Variants in CACNA2D3 observed in about 807,000 individuals in gnomAD.
The protein encoded by CACNA2D3 is voltage-dependent calcium channel subunit alpha-2/delta-3.
Under a neutral mutation model 160.6 loss-of-function variants are expected in CACNA2D3, and 60 were observed. The ratio of observed to expected loss-of-function variants is 0.37; its 90% CI spans 0.30 to 0.46. The LOEUF (loss-of-function observed/expected upper bound fraction) is 0.46, where lower values mean the gene tolerates loss of function less well. CACNA2D3 is among the 20% of genes least tolerant of loss of function. CACNA2D3 has a pLI of 1.00. For missense variants in CACNA2D3, 1,205 were observed against 1,365.0 expected, an observed-to-expected ratio of 0.88 and a Z score of 1.85; for synonymous variants, 558 against 492.9, an observed-to-expected ratio of 1.13 and a Z score of -1.75.
At chr3:54,471,267 A>G (rs1314737710) in intron 4 of CACNA2D3, among the ~76,000 whole-genome samples, 1 of 152,204 alleles carries the variant, frequency 6.6e-6, no homozygotes, top group Non-Finnish European at 1.5e-5. Flanking sequence ...CCACACAACT[A>G]CATGGAAACT....
intron 2 of CACNA2D3, among the ~76,000 whole-genome samples, chr3:54,203,238 G>C (rs1322651780): frequency 6.6e-6 from 1 of 152,212 alleles, no homozygotes; most frequent in Admixed American, 6.5e-5. Flanking sequence ...GAAACGGGAA[G>C]GGTCCCCTTG....
rs565556596 is a variant in CACNA2D3, at chr3:54,681,382, C to CAAAAAAAAAAAAAAAA, written c.1167+39152_1167+39167dup. Among the ~76,000 whole-genome samples the CAAAAAAAAAAAAAAAA allele has an allele frequency of 4.8e-5, 3 of 62,094 alleles. 1 individual carries two copies. The highest frequency in any genetic ancestry group is 1.6e-4 in the African/African-American group (2 of 12,400). 40.7% of individuals were successfully genotyped at this position (62,094 alleles called of 152,430 possible). A position where few individuals can be genotyped will look rare whatever the true frequency, so the allele number is the denominator to read the frequency against. ...TGAAACCCCATCTCTACTAAAAATA[C>CAAAAAAAAAAAAAAAA]AAAAAAAAAAAAAAAAAAAAAAAAA... On this transcript the variant is annotated intron_variant, in intron 11 of 37. Coordinates refer to ENST00000474759, the MANE Select transcript of CACNA2D3 (RefSeq NM_018398.3).
intron 13 of CACNA2D3, among the ~76,000 whole-genome samples, chr3:54,810,480 A>G (rs892238446): frequency 6.6e-6 from 1 of 152,236 alleles, no homozygotes; most frequent in Admixed American, 6.5e-5. Flanking sequence ...ATGAAGAAGA[A>G]TGGAAGATTA....
chr3:54,822,832 T>TTTCTTTCTTTCTTTCTTTCTTTTC (rs1553874401), intron 14 of CACNA2D3, among the ~76,000 whole-genome samples: 12 of 58,026 alleles, frequency 2.1e-4, no homozygotes, highest in South Asian at 1.0e-3. Flanking sequence ...TCTTTCTTTC[T>TTTCTTTCTTTCTTTCTTTCTTTTC]TTTCTTTCTT....
chr3:54,415,770 C>T (rs1699744692), intron 4 of CACNA2D3, among the ~76,000 whole-genome samples: 1 of 152,112 alleles, frequency 6.6e-6, no homozygotes. Flanking sequence ...AAGTGATGGA[C>T]CCAAGTTACA....
intron 27 of CACNA2D3, among the ~76,000 whole-genome samples, chr3:54,906,641 A>G (rs1000278983): frequency 6.6e-6 from 1 of 152,202 alleles, no homozygotes; most frequent in African/African-American, 2.4e-5. Flanking sequence ...AGGTTCTACA[A>G]CCAGAGCTGA....
chr3:54,132,578 A>G (rs774169102), intron 2 of CACNA2D3, among the ~76,000 whole-genome samples: 1 of 152,208 alleles, frequency 6.6e-6, no homozygotes, highest in Non-Finnish European at 1.5e-5. Context: ...GAATTTCAGA[A>G]TTATAGAGCC....
intron 11 of CACNA2D3, among the ~76,000 whole-genome samples, chr3:54,652,783 C>CTTTTTTT (rs11428424): frequency 4.2e-5 from 5 of 118,280 alleles, no homozygotes; most frequent in Non-Finnish European, 8.4e-5. Context: ...CCATGGGAGG[C>CTTTTTTT]TTTTTTTTTT....
chr3:54,407,122 G>T (rs1316325578), intron 4 of CACNA2D3, among the ~76,000 whole-genome samples: 1 of 151,912 alleles, frequency 6.6e-6, no homozygotes. Context: ...TCTCACTGGG[G>T]GTTTTCCTGA....
chr3:54,615,022 A>C (rs1267748722), intron 9 of CACNA2D3, among the ~76,000 whole-genome samples: 1 of 152,228 alleles, frequency 6.6e-6, no homozygotes, highest in Non-Finnish European at 1.5e-5. Context: ...TTTATTTTGA[A>C]AACCAGTAAA....
chr3:54,919,876 A>G (rs943079204), intron 27 of CACNA2D3, among the ~76,000 whole-genome samples: 1 of 152,196 alleles, frequency 6.6e-6, no homozygotes, highest in Admixed American at 6.5e-5. Context: ...CCAGTTCTCC[A>G]TGCTCAGTCC....
chr3:54,457,917 T>C (rs376820097), intron 4 of CACNA2D3, among the ~76,000 whole-genome samples: 2 of 152,176 alleles, frequency 1.3e-5, no homozygotes, highest in East Asian at 1.9e-4. Context: ...CACGTTTAGT[T>C]TCTATTTGTA....
At chr3:54,359,031 G>T (rs1296707024) in intron 3 of CACNA2D3, among the ~76,000 whole-genome samples, 1 of 152,016 alleles carries the variant, frequency 6.6e-6, no homozygotes, top group Non-Finnish European at 1.5e-5. Flanking sequence ...AAGGTACGGG[G>T]AGAGATGAGG....
chr3:55,024,451 G>A (rs149646752), intron 35 of CACNA2D3, among the ~76,000 whole-genome samples: 15 of 152,154 alleles, frequency 9.9e-5, no homozygotes, highest in Non-Finnish European at 1.8e-4. Context: ...TAAGAAGAGA[G>A]GCCTTTAGGA....
At chr3:54,483,113 C>G (rs903255258) in intron 4 of CACNA2D3, among the ~76,000 whole-genome samples, 1 of 152,082 alleles carries the variant, frequency 6.6e-6, no homozygotes, top group Non-Finnish European at 1.5e-5. Context: ...TGAGAGCATG[C>G]GATTGCTATT....
At chr3:55,033,563 T>C (rs1434733191) in intron 35 of CACNA2D3, among the ~76,000 whole-genome samples, 1 of 112,768 alleles carries the variant, frequency 8.9e-6, no homozygotes, top group East Asian at 2.6e-4. Flanking sequence ...TCTGAAACTA[T>C]CGTGTCATTT....
intron 3 of CACNA2D3, among the ~76,000 whole-genome samples, chr3:54,349,341 G>A (rs910636020): frequency 4.6e-5 from 7 of 152,136 alleles, no homozygotes; most frequent in African/African-American, 9.7e-5. Context: ...GGTTCTGAAC[G>A]TTGCGCTTTC....
chr3:54,130,442 A>G (rs1699684695), intron 2 of CACNA2D3, among the ~76,000 whole-genome samples: 1 of 152,194 alleles, frequency 6.6e-6, no homozygotes, highest in African/African-American at 2.4e-5. Context: ...TTCTGTGTGC[A>G]TTTCCACCGT....
intron 29 of CACNA2D3, among the ~76,000 whole-genome samples, chr3:54,984,227 C>G (rs1242920325): frequency 6.6e-6 from 1 of 151,956 alleles, no homozygotes; most frequent in Non-Finnish European, 1.5e-5. Flanking sequence ...TCAAAACAGC[C>G]TGCACTTCAA....
Sources: allele counts gnomAD v4.1 joint callset (sites outside exome capture counted in the v4.1 genomes callset), GRCh38; gene constraint gnomAD v4.1.1; transcripts MANE v1.5; gene names NCBI Gene and HGNC (gene_info 2026-07-23, HGNC 2026-07-21).